ITGA2: variants seen among roughly 807,000 people sequenced by gnomAD.
The protein encoded by ITGA2 is integrin subunit alpha 2.
Under a neutral mutation model 146.3 loss-of-function variants are expected in ITGA2, and 101 were observed. That is an observed-to-expected ratio of 0.69 (90% CI 0.59 to 0.81). ITGA2 has a LOEUF of 0.81. Among genes scored for constraint, ITGA2 ranks in the 40% least tolerant of loss-of-function variants. The pLI is 0.00. For missense variants in ITGA2, 1,281 were observed against 1,402.7 expected (o/e 0.91, Z 1.39); for synonymous variants, 477 against 487.1 (o/e 0.98, Z 0.27).
intron 3 of ITGA2, among the ~76,000 whole-genome samples, chr5:53,044,420 G>A (rs2111894950): frequency 6.6e-6 from 1 of 151,516 alleles, no homozygotes; most frequent in East Asian, 1.9e-4. Context: ...ACTGAATGAT[G>A]GTATTACTAA....
chr5:53,010,193 A>G (rs1384771768), intron 1 of ITGA2, among the ~76,000 whole-genome samples: 1 of 152,156 alleles, frequency 6.6e-6, no homozygotes, highest in African/African-American at 2.4e-5. Context: ...CATTACCTAC[A>G]TAAGAAACCT....
chr5:53,062,684 C>A, intron 12 of ITGA2, 102 bp from the exon 13 acceptor site: 2 of 1,275,976 alleles, frequency 1.6e-6, no homozygotes, highest in Non-Finnish European at 1.1e-6. Context: ...AAATAGTAAA[C>A]ACTCAATTTT....
intron 1 of ITGA2, among the ~76,000 whole-genome samples, chr5:52,998,620 T>C (rs1178281658): frequency 6.6e-6 from 1 of 152,214 alleles, no homozygotes; most frequent in African/African-American, 2.4e-5. Context: ...CTAGGAACCC[T>C]GCCAATCTTC....
chr5:53,014,545 T>A (rs981052831), intron 1 of ITGA2, among the ~76,000 whole-genome samples: 5 of 152,170 alleles, frequency 3.3e-5, no homozygotes, highest in Non-Finnish European at 7.4e-5. Flanking sequence ...ATCAGGGATG[T>A]TGGCCTGAAG....
chr5:53,085,290 G>T (rs1463247408), intron 27 of ITGA2, among the ~76,000 whole-genome samples: 78 of 152,256 alleles, frequency 5.1e-4, no homozygotes, highest in Admixed American at 4.4e-3. Context: ...GATTGATCAG[G>T]GCTCCAAATT....
intron 2 of ITGA2, among the ~76,000 whole-genome samples, chr5:53,039,039 G>T (rs1201131303): frequency 1.3e-5 from 2 of 152,156 alleles, no homozygotes; most frequent in Non-Finnish European, 2.9e-5. Flanking sequence ...GTTACAGTGA[G>T]CCAAGATCAT....
intron 1 of ITGA2, among the ~76,000 whole-genome samples, chr5:53,007,701 C>T (rs981386438): frequency 1.3e-5 from 2 of 152,076 alleles, no homozygotes; most frequent in African/African-American, 2.4e-5. Flanking sequence ...GCTTACCCTC[C>T]AGCAATCTTA....
chr5:53,055,435 T>C, intron 7 of ITGA2, 103 bp from the exon 8 acceptor site: 1 of 969,500 alleles, frequency 1.0e-6, no homozygotes, highest in Non-Finnish European at 1.6e-6. Context: ...TACAATAGAT[T>C]GTGTTTAAAG....
Position 53,070,102 on chromosome 5 carries a change from ATCATAGCCATTG to A in ITGA2, c.2084-5_2090del. On this transcript the variant is annotated splice_acceptor_variant and splice_polypyrimidine_tract_variant and coding_sequence_variant and intron_variant, in exon 17 of 30. Transcript: ENST00000296585. LOFTEE classifies it high-confidence loss of function. ...ATAACATTTCTTTATGATTTTTTTT[ATCATAGCCATTG>A]TATATAACATCACACTTGATGCAGA... 6.3e-7 allele frequency: 1 copy of A among 1,584,198 alleles called. No homozygotes were observed. Among genetic ancestry groups the A allele is most frequent in the Non-Finnish European group, 8.6e-7 (1 of 1,157,414 alleles).
chr5:53,063,671 T>G (rs1419450026), intron 13 of ITGA2, among the ~76,000 whole-genome samples: 1 of 151,828 alleles, frequency 6.6e-6, no homozygotes, highest in Non-Finnish European at 1.5e-5. Flanking sequence ...TATGTTTAAG[T>G]ATTGTGATAT....
chr5:53,052,120 G>A (rs1166890988), intron 7 of ITGA2, among the ~76,000 whole-genome samples: 2 of 151,490 alleles, frequency 1.3e-5, no homozygotes, highest in Admixed American at 6.6e-5. Context: ...TTTAAGTTCT[G>A]GGATACATGT....
chr5:53,069,057 G>C (rs950096671), intron 16 of ITGA2, among the ~76,000 whole-genome samples: 1 of 151,766 alleles, frequency 6.6e-6, no homozygotes, highest in African/African-American at 2.4e-5. Context: ...CAACATATAT[G>C]ATAGATTTTT....
intron 2 of ITGA2, among the ~76,000 whole-genome samples, chr5:53,039,947 G>A (rs1743704824): frequency 6.6e-6 from 1 of 151,748 alleles, no homozygotes; most frequent in South Asian, 2.1e-4. Context: ...CCTCTCTAGT[G>A]AGGGATTTAG....
chr5:53,073,193 T>C lies in ITGA2; in HGVS notation c.2505T>C (p.Ser835=), dbSNP rs769104863. The C allele has an allele frequency of 1.2e-6, 2 of 1,612,484 alleles. No homozygotes were observed. The highest frequency in any genetic ancestry group is 1.7e-6 in the Non-Finnish European group (2 of 1,178,888). The change falls in exon 20 of 30, where the codon AGT becomes AGC. Residue 835 remains serine, a synonymous_variant. Coordinates refer to ENST00000296585, the MANE Select transcript of ITGA2 (RefSeq NM_002203.4). ...TAACGCTGAAAAATAAAAGGGAAAG[T>C]GCATACAACACTGGAATTGTTGTTG... ...FSVTLKNKRE[S]AYNTGIVVDF...
chr5:53,067,235 T>C lies in ITGA2; in HGVS notation c.2061T>C (p.Pro687=), dbSNP rs958568383. 1.2e-6 allele frequency: 2 copies of C among 1,611,552 alleles called. No individual in the cohort carries two copies. The highest frequency in any genetic ancestry group is 1.7e-6 in the Non-Finnish European group (2 of 1,178,684). The change falls in exon 16 of 30, where the codon CCT becomes CCC. Residue 687 remains proline (P), a synonymous_variant. Coordinates refer to ENST00000296585, the MANE Select transcript of ITGA2 (RefSeq NM_002203.4). ...TCTGCTTCAGTGCAAAGTTCAGACCTACTAAGCAAAACAATCAAGTGGGTG... is the reference window on the plus strand; with the variant it reads ...TCTGCTTCAGTGCAAAGTTCAGACCCACTAAGCAAAACAATCAAGTGGGTG... ...LKLCFSAKFR[P]TKQNNQVAIV...
At chr5:52,994,466 G>A (rs77229799) in intron 1 of ITGA2, among the ~76,000 whole-genome samples, 4,734 of 152,276 alleles carry the variant, frequency 0.031, 116 homozygotes, top group Middle Eastern at 0.065. Context: ...GTAATGCAAG[G>A]TTGACCAATG....
At chr5:53,061,509 C>A (rs1485530245) in intron 12 of ITGA2, among the ~76,000 whole-genome samples, 2 of 151,882 alleles carry the variant, frequency 1.3e-5, no homozygotes, top group Non-Finnish European at 2.9e-5. Context: ...AAGGACTGAA[C>A]TTTTACATCT....
At chr5:52,997,180 C>CA (rs1741309137) in intron 1 of ITGA2, among the ~76,000 whole-genome samples, 1 of 152,194 alleles carries the variant, frequency 6.6e-6, no homozygotes, top group African/African-American at 2.4e-5. Flanking sequence ...ACTGTTGGGA[C>CA]AGTTAATGAT....
chr5:53,028,665 GC>G (rs1743071050), intron 2 of ITGA2, among the ~76,000 whole-genome samples: 2 of 152,126 alleles, frequency 1.3e-5, no homozygotes, highest in Non-Finnish European at 2.9e-5. Context: ...CCACTTTAAT[GC>G]CCAGTAGACA....
Sources: allele counts gnomAD v4.1 joint callset (sites outside exome capture counted in the v4.1 genomes callset), GRCh38; gene constraint gnomAD v4.1.1; transcripts MANE v1.5; gene names NCBI Gene and HGNC (gene_info 2026-07-23, HGNC 2026-07-21).